The following EFCAB8 variants were observed in gnomAD, a reference collection of about 807,000 sequenced individuals.
The protein encoded by EFCAB8 is EF-hand calcium-binding domain-containing protein 8.
In EFCAB8, 100 loss-of-function variants were observed where a neutral mutation model predicts 116.3. The ratio of observed to expected loss-of-function variants is 0.86; its 90% confidence interval spans 0.73 to 1.02. EFCAB8 has a LOEUF of 1.02. Ranked by LOEUF, EFCAB8 falls within the 50% of genes least tolerant of loss-of-function variation. EFCAB8 has a pLI of 0.00. For missense variants in EFCAB8, 1,320 were observed against 1,416.9 expected (o/e 0.93, Z 1.10); for synonymous variants, 558 against 567.9 (o/e 0.98, Z 0.25).
At chr20:32,916,479 G>C (rs985263587) in intron 17 of EFCAB8, among the ~76,000 whole-genome samples, 2 of 151,884 alleles carry the variant, frequency 1.3e-5, no homozygotes, top group African/African-American at 4.8e-5. Context: ...AGCTGGTCTT[G>C]AACTCCTGGC....
At chr20:32,929,124 T>C (rs541187794) in intron 20 of EFCAB8, among the ~76,000 whole-genome samples, 1 of 152,072 alleles carries the variant, frequency 6.6e-6, no homozygotes, top group African/African-American at 2.4e-5. Context: ...TCATAAGGGA[T>C]ATTTCTCTGT....
chr20:32,872,504 C>T (rs572167749), intron 3 of EFCAB8, among the ~76,000 whole-genome samples: 47 of 152,154 alleles, frequency 3.1e-4, no homozygotes, highest in Admixed American at 2.6e-3. Flanking sequence ...AGAGTGAAAG[C>T]GAGCTGGGCA....
chr20:32,940,880 CT>C, intron 22 of EFCAB8, among the ~76,000 whole-genome samples: 1 of 150,030 alleles, frequency 6.7e-6, no homozygotes, highest in African/African-American at 2.5e-5. Flanking sequence ...CCACTTTACA[CT>C]TGCCAGGATA....
chr20:32,931,823 G>A (rs1212468495), intron 22 of EFCAB8, among the ~76,000 whole-genome samples: 2 of 152,168 alleles, frequency 1.3e-5, no homozygotes, highest in Admixed American at 6.5e-5. Context: ...GCCCATCACC[G>A]TAGACTGGAA....
chr20:32,913,223 G>T (rs1987024758), intron 17 of EFCAB8, among the ~76,000 whole-genome samples: 1 of 152,184 alleles, frequency 6.6e-6, no homozygotes, highest in Non-Finnish European at 1.5e-5. Context: ...GAGTTCTGGA[G>T]ATGGGGGAAG....
At chr20:32,943,942 T>G (rs1031965900) in intron 23 of EFCAB8, 138 bp downstream of exon 23, 3 of 402,274 alleles carry the variant, frequency 7.5e-6, no homozygotes, top group Non-Finnish European at 1.3e-5. Flanking sequence ...TTAAATAATA[T>G]TACAGTCTGT....
chr20:32,912,893 G>T, intron 17 of EFCAB8, 29 bp downstream of exon 17: 1 of 715,654 alleles, frequency 1.4e-6, no homozygotes, highest in African/African-American at 1.7e-5. Context: ...TGGTGAGTAG[G>T]TTCCAGTAGC....
intron 9 of EFCAB8, 81 bp downstream of exon 9, chr20:32,893,379 C>T: frequency 6.6e-7 from 1 of 1,520,068 alleles, no homozygotes; most frequent in Admixed American, 2.0e-5. Context: ...GTCCCCGAGC[C>T]CCCCACTCCC....
intron 6 of EFCAB8, 62 bp from the exon 7 acceptor site, chr20:32,889,238 TG>T: frequency 7.0e-7 from 1 of 1,431,926 alleles, no homozygotes; most frequent in Middle Eastern, 2.2e-4. Context: ...GAGAGGTTCA[TG>T]GGGAGCTGCA....
intron 20 of EFCAB8, 58 bp downstream of exon 20, chr20:32,920,273 G>A (rs148758185): frequency 1.5e-4 from 234 of 1,538,946 alleles, no homozygotes; most frequent in Admixed American, 7.9e-4. Context: ...GGTCAGGATT[G>A]GGTGGTCAGG....
chr20:32,939,125 CTCTTTCTTTCTTTCTTTCTTTCTT>C (rs56136077), intron 22 of EFCAB8, among the ~76,000 whole-genome samples: 2,637 of 56,284 alleles, frequency 0.047, 115 homozygotes, highest in Middle Eastern at 0.074. Context: ...CTCTTTCTTT[CTCTTTCTTTCTTTCTTTCTTTCTT>C]TCTTTCTTTC....
At chr20:32,868,932 C>G (rs970721699) in intron 3 of EFCAB8, among the ~76,000 whole-genome samples, 1 of 151,948 alleles carries the variant, frequency 6.6e-6, no homozygotes, top group Admixed American at 6.6e-5. Context: ...TTGCAGTGAG[C>G]CAAGGTCATG....
At chr20:32,919,958 A>G (rs1166061482) in intron 19 of EFCAB8, 120 bp from the exon 20 acceptor site, 1 of 1,304,572 alleles carries the variant, frequency 7.7e-7, no homozygotes, top group African/African-American at 1.5e-5. Context: ...TTCCCAGGCC[A>G]GTGTACCTAC....
At chr20:32,889,001 T>C (rs1985775615) in intron 6 of EFCAB8, among the ~76,000 whole-genome samples, 2 of 152,130 alleles carry the variant, frequency 1.3e-5, no homozygotes, top group African/African-American at 4.8e-5. Flanking sequence ...TTGCCCAGGC[T>C]TGAGTGCAGT....
chr20:32,905,194 G>A (rs931885405), intron 11 of EFCAB8, among the ~76,000 whole-genome samples: 4 of 152,214 alleles, frequency 2.6e-5, no homozygotes, highest in African/African-American at 9.7e-5. Flanking sequence ...TGACCCCTGT[G>A]CGGGAGGAGT....
intron 23 of EFCAB8, among the ~76,000 whole-genome samples, chr20:32,949,747 C>G (rs1175659887): frequency 6.6e-6 from 1 of 152,216 alleles, no homozygotes; most frequent in Non-Finnish European, 1.5e-5. Context: ...ACCCGTAATC[C>G]AAGCACTTTG....
intron 3 of EFCAB8, among the ~76,000 whole-genome samples, chr20:32,870,890 A>C: frequency 6.9e-6 from 1 of 145,900 alleles, no homozygotes; most frequent in African/African-American, 2.6e-5. Context: ...ATGGAGTCTC[A>C]CTCTGTCACC....
Position 32,878,846 on chromosome 20 carries a change from C to A in EFCAB8, c.431+39C>A, listed in dbSNP as rs113453076. ...TCCTGGGCCTTGGTGGGTGGGGTGACTGGACAAGTGCTGGTGCCAGCCTGC... is the reference window on the plus strand; with the variant it reads ...TCCTGGGCCTTGGTGGGTGGGGTGAATGGACAAGTGCTGGTGCCAGCCTGC... On this transcript the variant is annotated intron_variant, in intron 5 of 26. Transcript: ENST00000400522. The A allele has an allele frequency of 1.7e-3, 2,647 of 1,519,080 alleles. 45 individuals carry two copies. In the African/African-American group the frequency reaches 0.031, roughly 18 times the overall value. The allele number at this position is 1,519,080 out of a possible 1,614,324, so 94.1% of individuals were successfully genotyped here.
intron 22 of EFCAB8, among the ~76,000 whole-genome samples, chr20:32,933,148 A>T (rs1188331128): frequency 6.6e-6 from 1 of 152,108 alleles, no homozygotes; most frequent in African/African-American, 2.4e-5. Flanking sequence ...GAGCTGAGAG[A>T]CTCGTCTAAG....
Sources: allele counts gnomAD v4.1 joint callset (sites outside exome capture counted in the v4.1 genomes callset), GRCh38; gene constraint gnomAD v4.1.1; transcripts MANE v1.5; gene names NCBI Gene and HGNC (gene_info 2026-07-23, HGNC 2026-07-21).